Variants in FSTL1 observed in about 807,000 individuals in gnomAD.
FSTL1 encodes follistatin-related protein 1.
A neutral mutation model predicts 45.9 loss-of-function variants in FSTL1; 24 were observed. That is an observed-to-expected ratio of 0.52 (90% CI 0.38 to 0.74). The LOEUF (loss-of-function observed/expected upper bound fraction) is 0.74. FSTL1 is among the 30% of genes least tolerant of loss of function. The probability of loss-of-function intolerance (pLI) is 0.00; values close to 1 mark genes in which losing one functional copy is unlikely to be tolerated. For missense variants in FSTL1, 340 were observed against 381.8 expected, an observed-to-expected ratio of 0.89 and a Z score of 0.91; for synonymous variants, 120 against 137.6, an observed-to-expected ratio of 0.87 and a Z score of 0.89.
intron 7 of FSTL1, among the ~76,000 whole-genome samples, chr3:120,403,964 A>C (rs5015969): frequency 0.33 from 25,560 of 76,950 alleles, 2,667 homozygotes; most frequent in African/African-American, 0.37. Context: ...AACAAAACAA[A>C]AACAAAAACA....
chr3:120,422,788 G>A (rs937691212), intron 2 of FSTL1, among the ~76,000 whole-genome samples: 8 of 151,828 alleles, frequency 5.3e-5, no homozygotes, highest in East Asian at 3.9e-4. Flanking sequence ...TCCACCTCCC[G>A]GGTTCAAGCG....
intron 2 of FSTL1, among the ~76,000 whole-genome samples, chr3:120,434,469 C>G (rs913428737): frequency 4.6e-5 from 7 of 152,124 alleles, no homozygotes; most frequent in Non-Finnish European, 8.8e-5. Flanking sequence ...GACCTGGGGT[C>G]ACATATAAAT....
intron 10 of FSTL1, among the ~76,000 whole-genome samples, chr3:120,399,438 C>T (rs1433562509): frequency 1.3e-5 from 2 of 152,224 alleles, no homozygotes; most frequent in African/African-American, 2.4e-5. Flanking sequence ...CCACTGCTTT[C>T]ATGCTCACTG....
intron 6 of FSTL1, 50 bp downstream of exon 6, chr3:120,409,482 A>C (rs1451707323): frequency 1.9e-6 from 3 of 1,553,504 alleles, no homozygotes; most frequent in Non-Finnish European, 1.8e-6. Context: ...GGGAGGAGGA[A>C]GCTTCCCTTT....
chr3:120,436,092 C>T (rs1202773366), intron 2 of FSTL1, among the ~76,000 whole-genome samples: 1 of 142,294 alleles, frequency 7.0e-6, no homozygotes, highest in Non-Finnish European at 1.6e-5. Context: ...AAATAGGACA[C>T]GTAATAAACA....
chr3:120,410,641 C>A, intron 5 of FSTL1: 1 of 465,938 alleles, frequency 2.1e-6, no homozygotes. Flanking sequence ...TCCCATGACA[C>A]GAGCATGTCT....
At chr3:120,414,245 G>A (rs919185506) in intron 3 of FSTL1, among the ~76,000 whole-genome samples, 5 of 151,824 alleles carry the variant, frequency 3.3e-5, no homozygotes, top group African/African-American at 1.2e-4. Context: ...GCCGCCTATC[G>A]TCTGGGATGT....
intron 2 of FSTL1, among the ~76,000 whole-genome samples, chr3:120,431,558 C>T (rs1162824061): frequency 2.6e-5 from 4 of 152,028 alleles, no homozygotes; most frequent in Non-Finnish European, 5.9e-5. Flanking sequence ...TGCGGTGGCT[C>T]ACGCCTGTTA....
intron 6 of FSTL1, among the ~76,000 whole-genome samples, chr3:120,407,194 A>C (rs953634970): frequency 2.0e-5 from 3 of 152,202 alleles, no homozygotes; most frequent in Admixed American, 6.5e-5. Flanking sequence ...GTATGTCATG[A>C]GATCTGTTCT....
chr3:120,426,176 C>T (rs1462085883), intron 2 of FSTL1, among the ~76,000 whole-genome samples: 1 of 152,066 alleles, frequency 6.6e-6, no homozygotes, highest in Non-Finnish European at 1.5e-5. Context: ...AAAATTCCCA[C>T]ACACCTAAAT....
chr3:120,409,778 C>T (rs1937016679), intron 5 of FSTL1, 116 bp from the exon 6 acceptor site: 3 of 874,128 alleles, frequency 3.4e-6, no homozygotes, highest in Non-Finnish European at 1.8e-6. Context: ...ATCCCAGCAA[C>T]ACAGGGAGAT....
intron 3 of FSTL1, among the ~76,000 whole-genome samples, chr3:120,412,819 TGCGCGCGCGCGC>T (rs67648835): frequency 3.1e-4 from 21 of 68,810 alleles, no homozygotes; most frequent in Non-Finnish European, 4.1e-4. Flanking sequence ...CACACACATG[TGCGCGCGCGCGC>T]GCGCGCGCAC....
chr3:120,406,956 T>C (rs963812584), intron 6 of FSTL1, among the ~76,000 whole-genome samples: 8 of 152,240 alleles, frequency 5.3e-5, no homozygotes, highest in African/African-American at 1.7e-4. Context: ...GTTTCCTATA[T>C]ACCTTACACA....
chr3:120,396,050 C>T lies in FSTL1; in HGVS notation c.*902G>A, dbSNP rs955705009. 3.8e-5 allele frequency: 8 copies of T among 209,868 alleles called. No individual in the cohort carries two copies. The highest frequency in any genetic ancestry group is 6.5e-5 in the Non-Finnish European group (7 of 107,094). The allele number at this position is 209,868 out of a possible 1,614,324, so 13.0% of individuals were successfully genotyped here. On this transcript the variant is annotated 3_prime_UTR_variant, in exon 11 of 11. Coordinates refer to ENST00000295633, the MANE Select transcript of FSTL1 (RefSeq NM_007085.5). ...CCTTGCTCCTCTGGCAGATAGTGGA[C>T]TGCTGGAAGCTAGGGGGGCCAACTA...
intron 2 of FSTL1, among the ~76,000 whole-genome samples, chr3:120,450,443 G>A (rs1937862816): frequency 6.6e-6 from 1 of 151,888 alleles, no homozygotes; most frequent in South Asian, 2.1e-4. Context: ...CCTCCTCCCC[G>A]CTCTCCCTCC....
chr3:120,424,776 C>T (rs1196348641), intron 2 of FSTL1, among the ~76,000 whole-genome samples: 2 of 151,994 alleles, frequency 1.3e-5, no homozygotes, highest in East Asian at 1.9e-4. Flanking sequence ...GCTTCTAGGG[C>T]CTGGAGGGTT....
At chr3:120,414,609 A>G (rs1937153990) in intron 3 of FSTL1, among the ~76,000 whole-genome samples, 2 of 152,076 alleles carry the variant, frequency 1.3e-5, no homozygotes, top group East Asian at 1.9e-4. Context: ...TGTAGAAAGA[A>G]GTAGACATGG....
intron 9 of FSTL1, chr3:120,400,193 T>G: frequency 1.8e-6 from 1 of 547,372 alleles, no homozygotes; most frequent in Non-Finnish European, 3.3e-6. Flanking sequence ...CCTTTGTTCC[T>G]TTAACTGCTT....
Position 120,450,898 on chromosome 3 carries a change from G to C in FSTL1, c.-2C>G. On this transcript the variant is annotated splice_region_variant and 5_prime_UTR_variant, in exon 1 of 11. Coordinates refer to ENST00000295633, the MANE Select transcript of FSTL1 (RefSeq NM_007085.5). Reference sequence around the variant, plus strand: ...CCGCGCCGTGCGCCCTGCGCTCACCGTGGTCTGGTCCAGGTCTCCTGGGGG... The same window carrying C: ...CCGCGCCGTGCGCCCTGCGCTCACCCTGGTCTGGTCCAGGTCTCCTGGGGG... 1.8e-6 allele frequency: 1 copy of C among 543,552 alleles called. No individual in the cohort carries two copies. Among genetic ancestry groups the C allele is most frequent in the Non-Finnish European group, 3.2e-6 (1 of 315,932 alleles). 33.7% of individuals were successfully genotyped at this position (543,552 alleles called of 1,614,324 possible). A position where few individuals can be genotyped will look rare whatever the true frequency, so the allele number is the denominator to read the frequency against.
Sources: gnomAD v4.1 joint callset for allele counts (sites outside exome capture counted in the v4.1 genomes callset) on GRCh38, gnomAD v4.1.1 for gene constraint, MANE v1.5 for transcripts, NCBI Gene and HGNC (gene_info 2026-07-23, HGNC 2026-07-21) for gene names.